The following POLE variants were observed in gnomAD, a reference collection of about 807,000 sequenced individuals.
The protein encoded by POLE is DNA polymerase epsilon, catalytic subunit.
Under a neutral mutation model 279.2 loss-of-function variants are expected in POLE, and 188 were observed. The ratio of observed to expected loss-of-function variants is 0.67; its 90% CI spans 0.60 to 0.76. The LOEUF is 0.76. Among genes scored for constraint, POLE ranks in the 30% least tolerant of loss-of-function variants. The probability of loss-of-function intolerance (pLI) is 0.00; values close to 1 mark genes in which losing one functional copy is unlikely to be tolerated. For missense variants in POLE, 2,703 were observed against 3,016.7 expected (o/e 0.90, Z 2.44); for synonymous variants, 1,214 against 1,172.5 (o/e 1.04, Z -0.72).
chr12:132,682,381 G>A (rs2043189796), intron 1 of POLE, among the ~76,000 whole-genome samples: 3 of 151,990 alleles, frequency 2.0e-5, no homozygotes, highest in African/African-American at 7.3e-5. Context: ...CTACTCAGGA[G>A]GCTGAGGCAG....
rs1555231441 is a variant in POLE at position 132,687,324 on chromosome 12, T to C, written c.-9A>G. ...CCGCTCCTCAGAGACATGGAGCCGT[T>C]GGCTACCACCTCTGCTTCAGGGGAG... On this transcript the variant is annotated 5_prime_UTR_variant, in exon 1 of 49. Transcript: ENST00000320574. The C allele has an allele frequency of 1.3e-6, 2 of 1,498,676 alleles. No homozygotes were observed. Among genetic ancestry groups the C allele is most frequent in the South Asian group, 2.5e-5 (2 of 80,098 alleles). The allele number at this position is 1,498,676 out of a possible 1,614,324, so 92.8% of individuals were successfully genotyped here.
intron 29 of POLE, 43 bp from the exon 30 acceptor site, chr12:132,649,932 T>G (rs763227141): frequency 8.9e-6 from 14 of 1,565,928 alleles, no homozygotes; most frequent in Non-Finnish European, 1.2e-5. Context: ...GATCTCGGGC[T>G]GCGCAGGGTG....
intron 2 of POLE, 154 bp downstream of exon 2, chr12:132,680,984 C>T (rs564367446): frequency 1.0e-4 from 86 of 861,290 alleles, no homozygotes; most frequent in South Asian, 5.0e-4. Context: ...CCCTCAATGA[C>T]GTTAAAGAGG....
At chr12:132,665,759 A>G (rs1473277536) in intron 20 of POLE, among the ~76,000 whole-genome samples, 1 of 152,186 alleles carries the variant, frequency 6.6e-6, no homozygotes, top group Non-Finnish European at 1.5e-5. Flanking sequence ...TGGTAAAATC[A>G]ATCAAGAAAT....
intron 26 of POLE, 144 bp from the exon 27 acceptor site, chr12:132,658,114 T>C (rs1026899458): frequency 3.8e-5 from 23 of 609,178 alleles, no homozygotes; most frequent in Non-Finnish European, 6.5e-5. Flanking sequence ...TGCATATGTA[T>C]GCACAAACAT....
chr12:132,629,152 T>C (rs1283757828), intron 45 of POLE, among the ~76,000 whole-genome samples: 1 of 152,244 alleles, frequency 6.6e-6, no homozygotes, highest in East Asian at 1.9e-4. Flanking sequence ...TTCATCTCCT[T>C]GTACGTCTCC....
In POLE at chr12:132,624,335, C is replaced by A. The variant is rs1170876014; in HGVS notation, c.*362G>T. On this transcript the variant is annotated 3_prime_UTR_variant, in exon 49 of 49. Transcript: ENST00000320574. ...CTTTTCCTCCCTCTGGGAGGCAGGACAAAGAACTAGGGGCACCTAGAGGAC... is the reference window on the plus strand; with the variant it reads ...CTTTTCCTCCCTCTGGGAGGCAGGAAAAAGAACTAGGGGCACCTAGAGGAC... 3.0e-6 allele frequency: 1 copy of A among 335,088 alleles called. No individual in the cohort carries two copies. The highest frequency in any genetic ancestry group is 5.6e-6 in the Non-Finnish European group (1 of 179,142). 20.8% of individuals were successfully genotyped at this position (335,088 alleles called of 1,614,324 possible). A position where few individuals can be genotyped will look rare whatever the true frequency, so the allele number is the denominator to read the frequency against.
chr12:132,643,760 C>G (rs1474912028), intron 33 of POLE, 77 bp downstream of exon 33: 1 of 1,537,246 alleles, frequency 6.5e-7, no homozygotes, highest in Non-Finnish European at 8.9e-7. Flanking sequence ...CCAGCCCACA[C>G]CCTGGGCGGG....
At chr12:132,625,214 G>C (rs1230260716) in intron 47 of POLE, 1 of 708,960 alleles carries the variant, frequency 1.4e-6, no homozygotes, top group Non-Finnish European at 2.6e-6. Context: ...TTCCACCCCA[G>C]ATGCCCAGTC....
chr12:132,660,008 A>C, intron 25 of POLE: 1 of 168,318 alleles, frequency 5.9e-6, no homozygotes, highest in Non-Finnish European at 1.3e-5. Flanking sequence ...TATTTTATTA[A>C]ACTGTGCACA....
Position 132,661,494 on chromosome 12 carries a change from C to T in POLE, c.2864+33G>A. The T allele has an allele frequency of 6.2e-7, 1 of 1,609,788 alleles. No individual in the cohort carries two copies. Among genetic ancestry groups the T allele is most frequent in the Non-Finnish European group, 8.5e-7 (1 of 1,177,202 alleles). On this transcript the variant is annotated intron_variant, in intron 24 of 48. Coordinates refer to ENST00000320574, the MANE Select transcript of POLE (RefSeq NM_006231.4). The surrounding 1 kb of genome is among the most constrained non-coding windows in gnomAD (Gnocchi z 4.1). Reference sequence around the variant, plus strand: ...AATTTAATCTATCTCAATCCATGTCCTTTCTAAAGCACAAAAGCTATGAGA... The same window carrying T: ...AATTTAATCTATCTCAATCCATGTCTTTTCTAAAGCACAAAAGCTATGAGA...
intron 29 of POLE, 138 bp downstream of exon 29, chr12:132,656,998 T>TG: frequency 1.1e-6 from 1 of 872,380 alleles, no homozygotes; most frequent in South Asian, 1.6e-5. Flanking sequence ...AAAGTGCCAA[T>TG]GGGCACATTT....
At chr12:132,647,256 G>A (rs937900075) in intron 32 of POLE, among the ~76,000 whole-genome samples, 1 of 151,990 alleles carries the variant, frequency 6.6e-6, no homozygotes, top group East Asian at 1.9e-4. Context: ...GCAAGATCAT[G>A]CCACTGCACT....
At chr12:132,676,803 C>T (rs2136017161) in intron 8 of POLE, 150 bp from the exon 9 acceptor site, 1 of 618,308 alleles carries the variant, frequency 1.6e-6, no homozygotes, top group South Asian at 1.9e-5. Context: ...ACTAACCAAC[C>T]TACATCAAGA....
chr12:132,657,965 A>G lies in POLE; in HGVS notation c.3281T>C (p.Ile1094Thr), dbSNP rs372516267. The G allele has an allele frequency of 1.1e-5, 17 of 1,611,074 alleles. No individual in the cohort carries two copies. The highest frequency in any genetic ancestry group is 1.4e-5 in the Non-Finnish European group (16 of 1,177,358). The change falls in exon 27 of 49, where the codon ATC becomes ACC. Residue 1094 changes from isoleucine to threonine, a missense_variant. Around this residue, in one of 5 missense-constraint regions of POLE, gnomAD observed 1,551 missense variants for 1,686.1 expected, o/e 0.92. Coordinates refer to ENST00000320574, the MANE Select transcript of POLE (RefSeq NM_006231.4). ...CTCTGCTTGGAAAATGGCAAGTGGG[A>G]TGGCCCTGGGTAAGGAAGACAGGCA... ...PEGSPVTERA[I>T]PLAIFQAEPT...
intron 15 of POLE, 84 bp from the exon 16 acceptor site, chr12:132,672,406 G>T: frequency 8.1e-7 from 1 of 1,239,160 alleles, no homozygotes; most frequent in African/African-American, 1.5e-5. Context: ...GGCTGCACGT[G>T]GCAGGTTGTG....
chr12:132,641,668 G>T lies in POLE; in HGVS notation c.5357C>A (p.Ala1786Asp). Residue 1786 changes from alanine to aspartate, a missense_variant, in exon 39 of 49, where the codon GCC (alanine) becomes GAC (aspartate). Transcript: ENST00000320574. ...ASAPASYDET[A>D]LCSNTFRILK... ...GCACCTGAAGGTGTTAGAGCACAGG[G>T]CTGTCTCATCGTAGCTGGCCGGGGC... 2 of 1,613,974 alleles carry T rather than the reference G, an allele frequency of 1.2e-6. No homozygotes were observed. The highest frequency in any genetic ancestry group is 1.7e-6 in the Non-Finnish European group (2 of 1,179,944).
At chr12:132,672,865 C>T in intron 14 of POLE, 26 bp from the exon 15 acceptor site, 3 of 1,595,098 alleles carry the variant, frequency 1.9e-6, no homozygotes, top group Non-Finnish European at 2.6e-6. Context: ...AGGCTTCCAG[C>T]CAAAAGCAAC....
Position 132,632,434 on chromosome 12 carries a change from G to C in POLE, c.6211C>G (p.Gln2071Glu), listed in dbSNP as rs775527406. 1.9e-6 allele frequency: 3 copies of C among 1,613,904 alleles called. No individual in the cohort carries two copies. The highest frequency in any genetic ancestry group is 2.5e-6 in the Non-Finnish European group (3 of 1,179,772). Residue 2071 changes from glutamine (Q) to glutamate (E), a missense_variant, in exon 45 of 49, where the codon CAG (glutamine) becomes GAG (glutamate). Gln to Glu is a conservative substitution (Grantham distance 29). Transcript: ENST00000320574. ...QSFFTITQKI[Q>E]KKVTGSRNST... ...TTCCGAGAGCCTGTGACTTTCTTCT[G>C]AATCTTCTGAGTGATGGTGAAGAAG... is the stretch of plus-strand genomic sequence containing the variant.
Sources: gnomAD v4.1 joint callset for allele counts (sites outside exome capture counted in the v4.1 genomes callset) on GRCh38, gnomAD v4.1.1 for gene constraint, gnomAD v4.1.1 regional missense constraint, Gnocchi (gnomAD v3.1) non-coding constraint, MANE v1.5 for transcripts, NCBI Gene and HGNC (gene_info 2026-07-23, HGNC 2026-07-21) for gene names.